Variants in CNTN5 observed in about 807,000 individuals in gnomAD.
CNTN5 encodes contactin 5.
Under a neutral mutation model 129.1 loss-of-function variants are expected in CNTN5, and 77 were observed. The observed-to-expected ratio is 0.60, with a 90% confidence interval of 0.50 to 0.72. CNTN5 has a LOEUF of 0.72. Among genes scored for constraint, CNTN5 ranks in the 30% least tolerant of loss-of-function variants. The pLI, the probability that CNTN5 is intolerant of heterozygous loss-of-function variation, is 0.00. For synonymous variants in CNTN5, 509 were observed against 465.6 expected, an observed-to-expected ratio of 1.09 and a Z score of -1.20; for missense variants, 1,478 against 1,328.8, an observed-to-expected ratio of 1.11 and a Z score of -1.75.
At chr11:99,918,758 C>G (rs1189189839) in intron 7 of CNTN5, among the ~76,000 whole-genome samples, 1 of 152,090 alleles carries the variant, frequency 6.6e-6, no homozygotes, top group Non-Finnish European at 1.5e-5. Context: ...ATTCAGCATC[C>G]CTGTTCTTCG....
rs72995230 is a variant in CNTN5, at chr11:99,542,628, C to A, written c.-70-13517C>A. Among the ~76,000 whole-genome samples, 1,310 of 152,270 alleles carry A rather than the reference C, an allele frequency of 8.6e-3. 13 individuals are homozygous for A. Among genetic ancestry groups the A allele is most frequent in the Non-Finnish European group, 0.013 (900 of 68,016 alleles). The stretch of plus-strand genomic sequence containing the variant: ...GCCAGTAGCATACCAGTGACAACAA[C>A]AAAAAAATCTCCAAATATTGCTAAA... On this transcript the variant is annotated intron_variant, in intron 2 of 24. Coordinates refer to ENST00000524871, the MANE Select transcript of CNTN5 (RefSeq NM_014361.4).
intron 1 of CNTN5, among the ~76,000 whole-genome samples, chr11:99,047,825 A>G (rs1355741911): frequency 6.6e-6 from 1 of 152,086 alleles, no homozygotes; most frequent in Non-Finnish European, 1.5e-5. Flanking sequence ...CAGCATTTAC[A>G]TATATTTTTA....
chr11:99,990,455 TACACACAC>T (rs57175307), intron 8 of CNTN5, among the ~76,000 whole-genome samples: 74 of 145,080 alleles, frequency 5.1e-4, no homozygotes, highest in Non-Finnish European at 3.6e-4. Flanking sequence ...TATATATATA[TACACACAC>T]ACACACACAC....
chr11:99,672,743 T>G (rs58817100), intron 3 of CNTN5, among the ~76,000 whole-genome samples: 1,667 of 151,812 alleles, frequency 0.011, 34 homozygotes, highest in African/African-American at 0.037. Context: ...ACCTTCATTT[T>G]AAAAATTACA....
intron 3 of CNTN5, among the ~76,000 whole-genome samples, chr11:99,600,516 C>T (rs1337697957): frequency 6.6e-6 from 1 of 152,162 alleles, no homozygotes; most frequent in Non-Finnish European, 1.5e-5. Context: ...TACATCTAGG[C>T]TAAGAATACG....
At chr11:99,358,003 C>CAA (rs1938806594) in intron 2 of CNTN5, among the ~76,000 whole-genome samples, 1 of 147,738 alleles carries the variant, frequency 6.8e-6, no homozygotes, top group Admixed American at 6.8e-5. Context: ...GACTCTGTCT[C>CAA]AAAAATAATA....
intron 3 of CNTN5, among the ~76,000 whole-genome samples, chr11:99,766,367 A>T (rs995328359): frequency 6.6e-6 from 1 of 152,036 alleles, no homozygotes; most frequent in Non-Finnish European, 1.5e-5. Flanking sequence ...ATGGAGCAAG[A>T]TAGAAAGTTT....
intron 15 of CNTN5, among the ~76,000 whole-genome samples, chr11:100,214,111 T>C (rs575120752): frequency 6.6e-6 from 1 of 152,262 alleles, no homozygotes; most frequent in Admixed American, 6.5e-5. Context: ...AAGATCCAAA[T>C]ATTAATTTAC....
chr11:99,305,116 G>C (rs1007326607), intron 1 of CNTN5, among the ~76,000 whole-genome samples: 14 of 152,134 alleles, frequency 9.2e-5, no homozygotes, highest in African/African-American at 2.9e-4. Context: ...CAGAATGAGG[G>C]AAGTACATCA....
intron 18 of CNTN5, among the ~76,000 whole-genome samples, chr11:100,272,329 C>G (rs1443299313): frequency 6.6e-6 from 1 of 152,086 alleles, no homozygotes; most frequent in East Asian, 1.9e-4. Flanking sequence ...CATATACATA[C>G]AAGACTAAGA....
intron 1 of CNTN5, among the ~76,000 whole-genome samples, chr11:99,087,684 C>A (rs1222037099): frequency 6.6e-6 from 1 of 152,096 alleles, no homozygotes; most frequent in Non-Finnish European, 1.5e-5. Flanking sequence ...AATGTGGTAC[C>A]CTGTACAAAG....
rs977160456 is a variant in CNTN5 at position 99,078,087 on chromosome 11, TG to T, written c.-210+56821del. Reference sequence around the variant, plus strand: ...AAATTTCAATTCAATTATTAATTAATGGGGATTTAAAAATTATCTAAAAATG... The same window carrying T: ...AAATTTCAATTCAATTATTAATTAATGGGATTTAAAAATTATCTAAAAATG... On this transcript the variant is annotated intron_variant, in intron 1 of 24. Coordinates refer to ENST00000524871, the MANE Select transcript of CNTN5 (RefSeq NM_014361.4). Among the ~76,000 whole-genome samples the T allele has an allele frequency of 7.7e-4, 117 of 152,290 alleles. 1 individual carries two copies. Among genetic ancestry groups the T allele is most frequent in the African/African-American group, 2.7e-3 (111 of 41,572 alleles).
At chr11:99,956,430 T>C (rs1308871078) in intron 7 of CNTN5, among the ~76,000 whole-genome samples, 1 of 152,204 alleles carries the variant, frequency 6.6e-6, no homozygotes, top group East Asian at 1.9e-4. Context: ...ATCTGTATCT[T>C]CTTATTCTAC....
intron 20 of CNTN5, among the ~76,000 whole-genome samples, chr11:100,303,875 C>T (rs992071549): frequency 6.6e-6 from 1 of 151,592 alleles, no homozygotes; most frequent in Non-Finnish European, 1.5e-5. Context: ...TCCAGATGAT[C>T]TATTTGGATT....
At chr11:100,244,827 G>A (rs182995730) in intron 16 of CNTN5, among the ~76,000 whole-genome samples, 1 of 152,064 alleles carries the variant, frequency 6.6e-6, no homozygotes, top group African/African-American at 2.4e-5. Flanking sequence ...GTTTCGGCTA[G>A]CTTTTCTGTC....
intron 3 of CNTN5, among the ~76,000 whole-genome samples, chr11:99,642,617 T>G (rs1334098704): frequency 6.6e-6 from 1 of 152,216 alleles, no homozygotes; most frequent in Non-Finnish European, 1.5e-5. Flanking sequence ...TGGTAAGAAC[T>G]TTCAAAGTCT....
chr11:99,035,599 C>CT (rs778628730), intron 1 of CNTN5, among the ~76,000 whole-genome samples: 33 of 148,288 alleles, frequency 2.2e-4, no homozygotes, highest in African/African-American at 8.3e-4. Context: ...CAACCCCTGC[C>CT]TTTTTTTGTT....
At chr11:100,244,153 T>C (rs78275216) in intron 16 of CNTN5, among the ~76,000 whole-genome samples, 2,341 of 152,316 alleles carry the variant, frequency 0.015, 45 homozygotes, top group African/African-American at 0.043. Flanking sequence ...CCAACTTTCC[T>C]ACACCTTTAT....
intron 2 of CNTN5, among the ~76,000 whole-genome samples, chr11:99,537,885 T>A (rs1947959620): frequency 6.6e-6 from 1 of 152,160 alleles, no homozygotes; most frequent in South Asian, 2.1e-4. Flanking sequence ...TGCTTTATCA[T>A]TAATGGCCTA....
Sources: allele counts gnomAD v4.1 joint callset (sites outside exome capture counted in the v4.1 genomes callset), GRCh38; gene constraint gnomAD v4.1.1; transcripts MANE v1.5; gene names NCBI Gene and HGNC (gene_info 2026-07-23, HGNC 2026-07-21).